The following CLDN24 variants were observed in gnomAD, a reference collection of about 807,000 sequenced individuals.
CLDN24 encodes the protein claudin-24.
For missense variants in CLDN24, 217 were observed against 253.9 expected (o/e 0.85, Z 0.99); for synonymous variants, 103 against 104.7 (o/e 0.98, Z 0.10).
At position 183,321,773 on chromosome 4, in the gene CLDN24, A is replaced by G; in HGVS notation, c.654T>C (p.Pro218=). 1 of 1,544,634 alleles carries G rather than the reference A, an allele frequency of 6.5e-7. No homozygotes were observed. The highest frequency in any genetic ancestry group is 8.7e-7 in the Non-Finnish European group (1 of 1,145,666). The part of the protein sequence containing the change: ...CPYLEDGTAD[P]QV ...TGGCCTTGTCGGAGTCTTACACTTGAGGATCTGCTGTCCCATCTTCCAGGT... is the reference window on the plus strand; with the variant it reads ...TGGCCTTGTCGGAGTCTTACACTTGGGGATCTGCTGTCCCATCTTCCAGGT... Residue 218 remains proline (P), a synonymous_variant, in exon 1 of 1, where the codon CCT becomes CCC. Coordinates refer to ENST00000541814, the MANE Select transcript of CLDN24 (RefSeq NM_001185149.1).
rs529606702 is a variant in CLDN24 at position 183,322,274 on chromosome 4, C to G, written c.153G>C (p.Trp51Cys). 1.5e-5 allele frequency: 24 copies of G among 1,613,978 alleles called. No individual in the cohort carries two copies. The South Asian group carries it at 2.6e-4, about 18-fold the overall frequency. Residue 51 changes from tryptophan (W) to cysteine (C), a missense_variant, in exon 1 of 1, where the codon TGG (tryptophan) becomes TGC (cysteine). Coordinates refer to ENST00000541814, the MANE Select transcript of CLDN24 (RefSeq NM_001185149.1). ...NEMENWTMGL[W>C]QTCVIQEEVG... Reference sequence around the variant, plus strand: ...CTTCCTCTTGGATGACACAGGTTTGCCAGAGTCCCATGGTCCAGTTTTCCA... The same window carrying G: ...CTTCCTCTTGGATGACACAGGTTTGGCAGAGTCCCATGGTCCAGTTTTCCA...
In CLDN24 at chr4:183,321,952, T is replaced by G. The variant is rs2111146976; in HGVS notation, c.475A>C (p.Arg159=). Residue 159 remains arginine, a synonymous_variant, in exon 1 of 1, where the codon AGG becomes CGG. Coordinates refer to ENST00000541814, the MANE Select transcript of CLDN24 (RefSeq NM_001185149.1). ...WDENVPDFVP[R]WEFGEALFLG... Reference sequence around the variant, plus strand: ...AACAGGGCCTCCCCAAACTCCCACCTGGGGACAAAGTCTGGGACGTTCTCA... The same window carrying G: ...AACAGGGCCTCCCCAAACTCCCACCGGGGGACAAAGTCTGGGACGTTCTCA... 1 of 1,592,818 alleles carries G rather than the reference T, an allele frequency of 6.3e-7. No individual in the cohort carries two copies. Among genetic ancestry groups the G allele is most frequent in the Non-Finnish European group, 8.5e-7 (1 of 1,169,656 alleles).
rs760193751 is a variant in CLDN24, at chr4:183,321,887, C to T, written c.540G>A (p.Gly180=). The change falls in exon 1 of 1, where the codon GGG becomes GGA. Residue 180 remains glycine (G), a synonymous_variant. Coordinates refer to ENST00000541814, the MANE Select transcript of CLDN24 (RefSeq NM_001185149.1). The part of the protein sequence containing the change: ...WFAGLSLLLG[G]CLLNCAACSS... ...AGCAGGCTGCGCAGTTGAGCAGACA[C>T]CCTCCTAGCAGAAGAGAAAGTCCAG... is the stretch of plus-strand genomic sequence containing the variant. The T allele has an allele frequency of 6.3e-6, 10 of 1,575,152 alleles. No homozygotes were observed. The highest frequency in any genetic ancestry group is 1.2e-5 in the South Asian group (1 of 86,258).
Position 183,322,408 on chromosome 4 carries a change from T to A in CLDN24, c.19A>T (p.Thr7Ser), listed in dbSNP as rs754313148. Residue 7 changes from threonine to serine, a missense_variant, in exon 1 of 1, where the codon ACA becomes TCA. Coordinates refer to ENST00000541814, the MANE Select transcript of CLDN24 (RefSeq NM_001185149.1). The part of the protein sequence containing the change: MALIFR[T>S]AMQSVGLLLS... ...AAAAGTCCAACAGATTGCATTGCTG[T>A]TCTAAAGATTAAAGCCATTGCGACA... 1.9e-6 allele frequency: 3 copies of A among 1,604,950 alleles called. No homozygotes were observed. The highest frequency in any genetic ancestry group is 2.5e-6 in the Non-Finnish European group (3 of 1,179,730).
In CLDN24 at chr4:183,321,955, G is replaced by A. The variant is rs1553983118; in HGVS notation, c.472C>T (p.Pro158Ser). ...AGGGCCTCCCCAAACTCCCACCTGG[G>A]GACAAAGTCTGGGACGTTCTCATCC... ...FWDENVPDFVPRWEFGEALFL... is the reference protein window; with the variant it reads ...FWDENVPDFVSRWEFGEALFL... The change falls in exon 1 of 1, where the codon CCC becomes TCC. Residue 158 changes from proline to serine, a missense_variant. Pro to Ser is a moderately conservative substitution (Grantham distance 74). Coordinates refer to ENST00000541814, the MANE Select transcript of CLDN24 (RefSeq NM_001185149.1). 1 of 1,593,436 alleles carries A rather than the reference G, an allele frequency of 6.3e-7. No individual in the cohort carries two copies.
At position 183,322,407 on chromosome 4, in the gene CLDN24, G is replaced by C. The variant is rs938524758; in HGVS notation, c.20C>G (p.Thr7Arg). 6.2e-7 allele frequency: 1 copy of C among 1,605,224 alleles called. No individual in the cohort carries two copies. The highest frequency in any genetic ancestry group is 8.5e-7 in the Non-Finnish European group (1 of 1,179,728). Residue 7 changes from threonine to arginine, a missense_variant, in exon 1 of 1, where the codon ACA becomes AGA. Coordinates refer to ENST00000541814, the MANE Select transcript of CLDN24 (RefSeq NM_001185149.1). ...TAAAAGTCCAACAGATTGCATTGCT[G>C]TTCTAAAGATTAAAGCCATTGCGAC... The part of the protein sequence containing the change: MALIFR[T>R]AMQSVGLLLS...
At position 183,321,889 on chromosome 4, in the gene CLDN24, C is replaced by T. The variant is rs753555108; in HGVS notation, c.538G>A (p.Gly180Arg). 1.9e-6 allele frequency: 3 copies of T among 1,575,784 alleles called. No individual in the cohort carries two copies. Among genetic ancestry groups the T allele is most frequent in the Non-Finnish European group, 1.7e-6 (2 of 1,160,704 alleles). ...WFAGLSLLLG[G>R]CLLNCAACSS... ...CAGGCTGCGCAGTTGAGCAGACACC[C>T]TCCTAGCAGAAGAGAAAGTCCAGCA... Residue 180 changes from glycine to arginine, a missense_variant, in exon 1 of 1, where the codon GGG (glycine) becomes AGG (arginine). By Grantham distance (125) the Gly-to-Arg change is moderately radical. Coordinates refer to ENST00000541814, the MANE Select transcript of CLDN24 (RefSeq NM_001185149.1).
In CLDN24 at chr4:183,322,364, C is replaced by T. The variant is rs1739674067; in HGVS notation, c.63G>A (p.Trp21Ter). 6.2e-7 allele frequency: 1 copy of T among 1,612,964 alleles called. No individual in the cohort carries two copies. The highest frequency in any genetic ancestry group is 1.1e-5 in the South Asian group (1 of 91,088). ...AATAAGTTGTAATAATGGATAAAAT[C>T]CATCCCAGGAGAGATAGTAAAAGTC... ...SVGLLLSLLG[W>*]ILSIITTYLP... The change falls in exon 1 of 1, where the codon TGG becomes TGA. Residue 21 changes from tryptophan (W) to a stop codon, truncating the protein, a stop_gained. Transcript: ENST00000541814. LOFTEE classifies it low-confidence loss of function (END_TRUNC).
rs780511220 is a variant in CLDN24, at chr4:183,322,113, A to G, written c.314T>C (p.Leu105Ser). The change falls in exon 1 of 1, where the codon TTG becomes TCG. Residue 105 changes from leucine (L) to serine (S), a missense_variant. Transcript: ENST00000541814. Reference protein sequence around the residue: ...LLVSGFGLDCLRIGESQRDLK... With the variant: ...LLVSGFGLDCSRIGESQRDLK... ...ATCTCTCTGACTCTCTCCAATTCTC[A>G]AACAGTCCAGGCCAAACCCAGAGAC... is the stretch of plus-strand genomic sequence containing the variant. 3 of 1,613,772 alleles carry G rather than the reference A, an allele frequency of 1.9e-6. No individual in the cohort carries two copies. Among genetic ancestry groups the G allele is most frequent in the South Asian group, 1.1e-5 (1 of 91,048 alleles).
rs1433980845 is a variant in CLDN24 at position 183,322,401 on chromosome 4, A to G, written c.26T>C (p.Met9Thr). The G allele has an allele frequency of 1.2e-6, 2 of 1,606,644 alleles. No individual in the cohort carries two copies. Among genetic ancestry groups the G allele is most frequent in the South Asian group, 2.2e-5 (2 of 91,054 alleles). Residue 9 changes from methionine to threonine, a missense_variant, in exon 1 of 1, where the codon ATG becomes ACG. Transcript: ENST00000541814. Reference sequence around the variant, plus strand: ...AGATAGTAAAAGTCCAACAGATTGCATTGCTGTTCTAAAGATTAAAGCCAT... The same window carrying G: ...AGATAGTAAAAGTCCAACAGATTGCGTTGCTGTTCTAAAGATTAAAGCCAT... MALIFRTA[M>T]QSVGLLLSLL... is the part of the protein sequence containing the mutation.
rs1452439892 is a variant in CLDN24, at chr4:183,321,827, T to C, written c.600A>G (p.Ala200=). ...SHAPLALGHY[A]VAQMQTQCPY... ...GACACTGAGTTTGCATTTGCGCCAC[T>C]GCATAGTGGCCCAAAGCTAGGGGAG... The change falls in exon 1 of 1, where the codon GCA becomes GCG. Residue 200 remains alanine (A), a synonymous_variant. Coordinates refer to ENST00000541814, the MANE Select transcript of CLDN24 (RefSeq NM_001185149.1). 1 of 1,552,972 alleles carries C rather than the reference T, an allele frequency of 6.4e-7. No homozygotes were observed. Among genetic ancestry groups the C allele is most frequent in the South Asian group, 1.2e-5 (1 of 84,156 alleles).
rs544760732 is a variant in CLDN24, at chr4:183,322,083, T to C, written c.344A>G (p.Lys115Arg). Residue 115 changes from lysine to arginine, a missense_variant, in exon 1 of 1, where the codon AAG (lysine) becomes AGG (arginine). Transcript: ENST00000541814. ...TCCTCCCAGAATGAGCAGTCGCCTCTTGAGATCTCTCTGACTCTCTCCAAT... is the reference window on the plus strand; with the variant it reads ...TCCTCCCAGAATGAGCAGTCGCCTCCTGAGATCTCTCTGACTCTCTCCAAT... ...LRIGESQRDL[K>R]RRLLILGGIL... is the part of the protein sequence containing the mutation. 1.9e-6 allele frequency: 3 copies of C among 1,613,954 alleles called. No homozygotes were observed. The highest frequency in any genetic ancestry group is 1.7e-5 in the Admixed American group (1 of 60,014).
chr4:183,322,328 C>T lies in CLDN24; in HGVS notation c.99G>A (p.Trp33Ter). 6.2e-7 allele frequency: 1 copy of T among 1,613,936 alleles called. No individual in the cohort carries two copies. The highest frequency in any genetic ancestry group is 8.5e-7 in the Non-Finnish European group (1 of 1,180,032). The stretch of plus-strand genomic sequence containing the variant: ...CATTTAAGTCCAGGTTGAGGTTCTT[C>T]CAGTGTGGCAAATAAGTTGTAATAA... ...LSIITTYLPHWKNLNLDLNEM... is the reference protein window; with the variant it reads ...LSIITTYLPH The change falls in exon 1 of 1, where the codon TGG (tryptophan) becomes TGA (stop). Residue 33 changes from tryptophan (W) to a stop codon, truncating the protein, a stop_gained. Coordinates refer to ENST00000541814, the MANE Select transcript of CLDN24 (RefSeq NM_001185149.1). LOFTEE classifies it low-confidence loss of function (END_TRUNC).
rs6839940 is a variant in CLDN24 at position 183,321,806 on chromosome 4, C to G, written c.621G>C (p.Gln207His). 0.26 allele frequency: 406,323 copies of G among 1,550,366 alleles called. 54,495 individuals carry two copies. The highest frequency in any genetic ancestry group is 0.27 in the Non-Finnish European group (314,592 of 1,146,880). Residue 207 changes from glutamine (Q) to histidine (H), a missense_variant, in exon 1 of 1, where the codon CAG becomes CAC. Physicochemically the swap from Gln to His is conservative, Grantham distance 24 (BLOSUM62 0). Coordinates refer to ENST00000541814, the MANE Select transcript of CLDN24 (RefSeq NM_001185149.1). ...CTGTCCCATCTTCCAGGTAGGGACA[C>G]TGAGTTTGCATTTGCGCCACTGCAT... ...GHYAVAQMQT[Q>H]CPYLEDGTAD...
Position 183,322,357 on chromosome 4 carries a change from A to T in CLDN24, c.70T>A (p.Ser24Thr), listed in dbSNP as rs1560906584. 6.2e-7 allele frequency: 1 copy of T among 1,613,388 alleles called. No individual in the cohort carries two copies. ...LLLSLLGWIL[S>T]IITTYLPHWK... Reference sequence around the variant, plus strand: ...TGTGGCAAATAAGTTGTAATAATGGATAAAATCCATCCCAGGAGAGATAGT... The same window carrying T: ...TGTGGCAAATAAGTTGTAATAATGGTTAAAATCCATCCCAGGAGAGATAGT... The change falls in exon 1 of 1, where the codon TCC (serine) becomes ACC (threonine). Residue 24 changes from serine (S) to threonine (T), a missense_variant. Coordinates refer to ENST00000541814, the MANE Select transcript of CLDN24 (RefSeq NM_001185149.1).
Position 183,322,179 on chromosome 4 carries a change from A to G in CLDN24, c.248T>C (p.Leu83Ser), listed in dbSNP as rs1579088408. 1 of 1,613,012 alleles carries G rather than the reference A, an allele frequency of 6.2e-7. No individual in the cohort carries two copies. The highest frequency in any genetic ancestry group is 1.3e-5 in the African/African-American group (1 of 74,780). Reference sequence around the variant, plus strand: ...TCCCAGCCCATTTGACAGAAACATTAAGATCCTGGAGACCCTGAGTTCAGC... The same window carrying G: ...TCCCAGCCCATTTGACAGAAACATTGAGATCCTGGAGACCCTGAGTTCAGC... ...LPAELRVSRI[L>S]MFLSNGLGFL... The change falls in exon 1 of 1, where the codon TTA becomes TCA. Residue 83 changes from leucine (L) to serine (S), a missense_variant. By Grantham distance (145) the Leu-to-Ser change is moderately radical (BLOSUM62 -2). Coordinates refer to ENST00000541814, the MANE Select transcript of CLDN24 (RefSeq NM_001185149.1).
chr4:183,321,828 G>A lies in CLDN24; in HGVS notation c.599C>T (p.Ala200Val), dbSNP rs750388472. The A allele has an allele frequency of 1.3e-6, 2 of 1,552,998 alleles. No individual in the cohort carries two copies. The highest frequency in any genetic ancestry group is 1.7e-6 in the Non-Finnish European group (2 of 1,147,888). Residue 200 changes from alanine to valine, a missense_variant, in exon 1 of 1, where the codon GCA (alanine) becomes GTA (valine). Ala to Val is a moderately conservative substitution (Grantham distance 64, BLOSUM62 0). Coordinates refer to ENST00000541814, the MANE Select transcript of CLDN24 (RefSeq NM_001185149.1). ...ACACTGAGTTTGCATTTGCGCCACT[G>A]CATAGTGGCCCAAAGCTAGGGGAGC... is the stretch of plus-strand genomic sequence containing the variant. Reference protein sequence around the residue: ...SHAPLALGHYAVAQMQTQCPY... With the variant: ...SHAPLALGHYVVAQMQTQCPY...
In CLDN24 at chr4:183,321,887, C is replaced by A. The variant is rs760193751; in HGVS notation, c.540G>T (p.Gly180=). 6.3e-7 allele frequency: 1 copy of A among 1,575,270 alleles called. No individual in the cohort carries two copies. The highest frequency in any genetic ancestry group is 1.4e-5 in the African/African-American group (1 of 73,900). ...AGCAGGCTGCGCAGTTGAGCAGACA[C>A]CCTCCTAGCAGAAGAGAAAGTCCAG... The part of the protein sequence containing the change: ...WFAGLSLLLG[G]CLLNCAACSS... The change falls in exon 1 of 1, where the codon GGG becomes GGT. Residue 180 remains glycine (G), a synonymous_variant. Transcript: ENST00000541814.
chr4:183,322,410 C>G lies in CLDN24; in HGVS notation c.17G>C (p.Arg6Thr), dbSNP rs1368100954. Residue 6 changes from arginine to threonine, a missense_variant, in exon 1 of 1, where the codon AGA becomes ACA. By Grantham distance (71) the Arg-to-Thr change is moderately conservative (BLOSUM62 -1). Transcript: ENST00000541814. ...AAGTCCAACAGATTGCATTGCTGTTCTAAAGATTAAAGCCATTGCGACAGG... is the reference window on the plus strand; with the variant it reads ...AAGTCCAACAGATTGCATTGCTGTTGTAAAGATTAAAGCCATTGCGACAGG... MALIF[R>T]TAMQSVGLLL... The G allele has an allele frequency of 6.2e-7, 1 of 1,604,542 alleles. No individual in the cohort carries two copies.
Sources: allele counts gnomAD v4.1 joint callset, GRCh38; gene constraint gnomAD v4.1.1; transcripts MANE v1.5; gene names NCBI Gene and HGNC (gene_info 2026-07-23, HGNC 2026-07-21).